Variants in ANO3 observed in about 807,000 individuals in gnomAD.
The protein encoded by ANO3 is anoctamin-3.
In ANO3, 99 loss-of-function variants were observed where a neutral mutation model predicts 144.8. The ratio of observed to expected loss-of-function variants is 0.68; its 90% CI spans 0.58 to 0.81. ANO3 has a LOEUF of 0.81. Ranked by LOEUF, ANO3 falls within the 30% of genes least tolerant of loss-of-function variation. The pLI is 0.00. For synonymous variants in ANO3, 414 were observed against 392.6 expected, an observed-to-expected ratio of 1.05 and a Z score of -0.64; for missense variants, 905 against 1,202.2, an observed-to-expected ratio of 0.75 and a Z score of 3.66.
In ANO3 at chr11:26,588,837, C is replaced by T. The variant is rs145582211; in HGVS notation, c.1448-9528C>T. On this transcript the variant is annotated intron_variant, in intron 14 of 26. Coordinates refer to ENST00000256737, the MANE Select transcript of ANO3 (RefSeq NM_031418.4). ...TTGTAGCTCTTCTCCTATTTACTTC[C>T]TCTATATTCCACTTTCCTCTTAAGT... is the stretch of plus-strand genomic sequence containing the variant. Among the ~76,000 whole-genome samples, 70 of 152,252 alleles carry T rather than the reference C, an allele frequency of 4.6e-4. No homozygotes were observed. In the East Asian group the frequency reaches 0.013, roughly 27 times the overall value.
intron 1 of ANO3, among the ~76,000 whole-genome samples, chr11:26,375,553 T>G (rs1856383068): frequency 6.6e-6 from 1 of 152,208 alleles, no homozygotes; most frequent in African/African-American, 2.4e-5. Flanking sequence ...CTACAACACT[T>G]AAAATCTTCA....
chr11:26,443,828 TTTG>T lies in ANO3; in HGVS notation c.308_310del (p.Cys103del). ...TGTTCATTTGCTGACCTCAGCGATT[TTTG>T]TTTGGGTAAGTTGATAATCAGTATT... On this transcript the variant is annotated inframe_deletion, in exon 3 of 27. Coordinates refer to ENST00000256737, the MANE Select transcript of ANO3 (RefSeq NM_031418.4). 6.2e-7 allele frequency: 1 copy of T among 1,611,518 alleles called. No homozygotes were observed. The highest frequency in any genetic ancestry group is 8.5e-7 in the Non-Finnish European group (1 of 1,178,358).
At chr11:26,603,076 G>C (rs1167329737) in intron 17 of ANO3, among the ~76,000 whole-genome samples, 1 of 152,120 alleles carries the variant, frequency 6.6e-6, no homozygotes, top group East Asian at 1.9e-4. Context: ...TAAATAAAAA[G>C]ATAATTACCT....
intron 12 of ANO3, among the ~76,000 whole-genome samples, chr11:26,551,741 T>C (rs1849938730): frequency 6.6e-6 from 1 of 151,980 alleles, no homozygotes; most frequent in African/African-American, 2.4e-5. Context: ...AAGAAGTGTG[T>C]TAATAGTTCT....
At chr11:26,543,056 A>C (rs1849686027) in intron 11 of ANO3, among the ~76,000 whole-genome samples, 1 of 152,150 alleles carries the variant, frequency 6.6e-6, no homozygotes, top group African/African-American at 2.4e-5. Flanking sequence ...CGGATGAGGA[A>C]GCTCCCAGGG....
At chr11:26,233,258 A>C (rs1452395941) in intron 1 of ANO3, among the ~76,000 whole-genome samples, 1 of 152,126 alleles carries the variant, frequency 6.6e-6, no homozygotes, top group Non-Finnish European at 1.5e-5. Flanking sequence ...CTAGAAAAAA[A>C]CAGCCCCATC....
chr11:26,447,475 C>A (rs1353946756), intron 3 of ANO3, among the ~76,000 whole-genome samples: 1 of 152,080 alleles, frequency 6.6e-6, no homozygotes, highest in Non-Finnish European at 1.5e-5. Flanking sequence ...TGATCTCTAA[C>A]CTTCTCTTTT....
chr11:26,460,518 A>G (rs1177291709), intron 3 of ANO3, among the ~76,000 whole-genome samples: 1 of 151,970 alleles, frequency 6.6e-6, no homozygotes, highest in Non-Finnish European at 1.5e-5. Flanking sequence ...AACAAATGTG[A>G]AGGAATTTAG....
chr11:26,572,223 G>A (rs1003053695), intron 14 of ANO3: 22 of 985,430 alleles, frequency 2.2e-5, no homozygotes, highest in Admixed American at 6.2e-5. Context: ...GTAACAGAGC[G>A]CCCAGGAACC....
At chr11:26,334,768 T>C (rs1207667113) in intron 1 of ANO3, among the ~76,000 whole-genome samples, 1 of 152,194 alleles carries the variant, frequency 6.6e-6, no homozygotes, top group African/African-American at 2.4e-5. Context: ...AGCTGAAAAA[T>C]CCAGTTGATG....
rs182358522 is a variant in ANO3 at position 26,365,004 on chromosome 11, T to C, written c.46+32683T>C. ...TTACTTAATTTCACCCATGAACATA[T>C]AAATTCAAAGGCAGGTTATTTACTT... On this transcript the variant is annotated intron_variant, in intron 1 of 26. Transcript: ENST00000256737. 2.4e-3 allele frequency among the ~76,000 whole-genome samples: 363 copies of C among 152,266 alleles called. 1 individual carries two copies. Among genetic ancestry groups the C allele is most frequent in the South Asian group, 0.012 (59 of 4,820 alleles).
At chr11:26,453,415 G>A (rs1206581057) in intron 3 of ANO3, among the ~76,000 whole-genome samples, 27 of 152,198 alleles carry the variant, frequency 1.8e-4, no homozygotes, top group Admixed American at 1.6e-3. Flanking sequence ...ACGAAAAAAG[G>A]CAGGGGTTGC....
At chr11:26,590,677 C>T (rs554012853) in intron 14 of ANO3, among the ~76,000 whole-genome samples, 47 of 152,300 alleles carry the variant, frequency 3.1e-4, no homozygotes, top group South Asian at 1.2e-3. Context: ...AGGACGAACC[C>T]GAGCACTTAG....
chr11:26,224,252 C>G (rs1048416671), intron 1 of ANO3, among the ~76,000 whole-genome samples: 1 of 152,208 alleles, frequency 6.6e-6, no homozygotes, highest in East Asian at 1.9e-4. Context: ...ACTGGATGCA[C>G]AGGGCCAACA....
intron 1 of ANO3, among the ~76,000 whole-genome samples, chr11:26,380,092 G>A (rs962786183): frequency 3.3e-5 from 5 of 152,176 alleles, no homozygotes; most frequent in Admixed American, 3.3e-4. Context: ...TGCATCCTCA[G>A]CTTTTCTCCT....
chr11:26,291,321 C>A (rs1428246868), intron 1 of ANO3, among the ~76,000 whole-genome samples: 4 of 152,084 alleles, frequency 2.6e-5, no homozygotes, highest in Non-Finnish European at 5.9e-5. Context: ...TGAGATGGAT[C>A]TCCTGAATAC....
chr11:26,644,929 AATTT>A (rs1590671791), intron 23 of ANO3, among the ~76,000 whole-genome samples: 1 of 151,908 alleles, frequency 6.6e-6, no homozygotes. Context: ...GCTGGTTTTC[AATTT>A]ATTCACTTTA....
At chr11:26,591,434 C>G (rs3937884) in intron 14 of ANO3, among the ~76,000 whole-genome samples, 43,984 of 151,966 alleles carry the variant, frequency 0.29, 6,719 homozygotes, top group South Asian at 0.46. Flanking sequence ...TTTGAAGAAC[C>G]ATTTGTAGTT....
intron 1 of ANO3, among the ~76,000 whole-genome samples, chr11:26,370,973 C>T (rs894260773): frequency 6.6e-6 from 1 of 152,182 alleles, no homozygotes; most frequent in Non-Finnish European, 1.5e-5. Context: ...AAATTCAAGC[C>T]TGCTTCAGCA....
Sources: gnomAD v4.1 joint callset for allele counts (sites outside exome capture counted in the v4.1 genomes callset) on GRCh38, gnomAD v4.1.1 for gene constraint, MANE v1.5 for transcripts, NCBI Gene and HGNC (gene_info 2026-07-23, HGNC 2026-07-21) for gene names.